DLG2: variants seen among roughly 807,000 people sequenced by gnomAD.
DLG2 encodes discs large MAGUK scaffold protein 2.
A neutral mutation model predicts 132.5 loss-of-function variants in DLG2; 45 were observed. The ratio of observed to expected loss-of-function variants is 0.34; its 90% CI spans 0.27 to 0.44. The LOEUF is 0.44. Ranked by LOEUF, DLG2 falls within the 20% of genes least tolerant of loss-of-function variation. The probability of loss-of-function intolerance (pLI) is 1.00; values close to 1 mark genes in which losing one functional copy is unlikely to be tolerated. For synonymous variants in DLG2, 424 were observed against 419.6 expected (o/e 1.01, Z -0.13); for missense variants, 1,045 against 1,196.9 (o/e 0.87, Z 1.87).
At chr11:84,082,527 G>C (rs761893531) in intron 10 of DLG2, among the ~76,000 whole-genome samples, 28 of 152,194 alleles carry the variant, frequency 1.8e-4, no homozygotes, top group Non-Finnish European at 3.7e-4. Context: ...ACACTGATCA[G>C]TCATTTCCTG....
At chr11:84,676,671 A>G (rs988253529) in intron 6 of DLG2, among the ~76,000 whole-genome samples, 4 of 152,100 alleles carry the variant, frequency 2.6e-5, no homozygotes, top group Non-Finnish European at 4.4e-5. Flanking sequence ...CTGATTCTGT[A>G]CTACCTGTGG....
intron 6 of DLG2, among the ~76,000 whole-genome samples, chr11:84,979,662 G>T (rs2055442671): frequency 6.6e-6 from 1 of 151,978 alleles, no homozygotes; most frequent in Admixed American, 6.6e-5. Context: ...GTTGTGGGGT[G>T]GGGGAGGGCG....
intron 7 of DLG2, among the ~76,000 whole-genome samples, chr11:84,292,183 C>T (rs985548783): frequency 4.6e-5 from 7 of 152,076 alleles, no homozygotes; most frequent in East Asian, 1.9e-4. Flanking sequence ...TTTGCAGAGG[C>T]GGCAGGAATT....
chr11:83,999,936 A>G (rs139438865), intron 11 of DLG2, among the ~76,000 whole-genome samples: 202 of 128,830 alleles, frequency 1.6e-3, no homozygotes, highest in African/African-American at 5.9e-3. Context: ...ACAGATATCA[A>G]TGTAGTGACA....
chr11:85,619,509 A>T (rs972526477), intron 2 of DLG2, among the ~76,000 whole-genome samples: 2 of 145,780 alleles, frequency 1.4e-5, no homozygotes, highest in East Asian at 2.0e-4. Context: ...TGAAGAGATT[A>T]AAAAAAAAAC....
intron 4 of DLG2, among the ~76,000 whole-genome samples, chr11:85,239,935 C>T (rs2152672942): frequency 6.6e-6 from 1 of 151,998 alleles, no homozygotes; most frequent in East Asian, 1.9e-4. Context: ...AAATTGCTGG[C>T]TCATAGGATA....
intron 6 of DLG2, among the ~76,000 whole-genome samples, chr11:84,713,444 GA>G (rs1481423411): frequency 6.6e-6 from 1 of 152,090 alleles, no homozygotes; most frequent in African/African-American, 2.4e-5. Flanking sequence ...TATTGAGAGA[GA>G]AACTGAAGTC....
At chr11:85,121,227 A>T (rs977869908) in intron 5 of DLG2, among the ~76,000 whole-genome samples, 17 of 151,940 alleles carry the variant, frequency 1.1e-4, no homozygotes, top group Admixed American at 8.5e-4. Context: ...TATTCCACTT[A>T]AAAAAATTAT....
At chr11:84,337,105 A>C (rs569789492) in intron 7 of DLG2, among the ~76,000 whole-genome samples, 1 of 152,354 alleles carries the variant, frequency 6.6e-6, no homozygotes, top group African/African-American at 2.4e-5. Context: ...CTATGTGAAC[A>C]TGGGTAAGTT....
At chr11:83,712,133 A>G (rs552399679) in intron 18 of DLG2, among the ~76,000 whole-genome samples, 15 of 152,250 alleles carry the variant, frequency 9.9e-5, no homozygotes, top group African/African-American at 3.6e-4. Flanking sequence ...CAGAAATACC[A>G]TTTGGCCCAG....
intron 7 of DLG2, among the ~76,000 whole-genome samples, chr11:84,290,812 T>C (rs1301046014): frequency 1.3e-5 from 2 of 152,164 alleles, no homozygotes; most frequent in Non-Finnish European, 2.9e-5. Context: ...TGGTAGTACA[T>C]TGTTTAAAAA....
At chr11:84,146,658 G>C (rs2095095346) in intron 9 of DLG2, among the ~76,000 whole-genome samples, 1 of 152,098 alleles carries the variant, frequency 6.6e-6, no homozygotes, top group South Asian at 2.1e-4. Flanking sequence ...TGACCTACCT[G>C]ACAACTTCAG....
rs755942567 is a variant in DLG2, at chr11:85,451,802, A to T, written c.40+146855T>A. On this transcript the variant is annotated intron_variant, in intron 3 of 27. Transcript: ENST00000376104. ...TGGCCCCAAGCAATCCTCTTGCCTC[A>T]GCCTCCCAAAGTGCTATGATTACAG... Among the ~76,000 whole-genome samples, 4 of 152,132 alleles carry T rather than the reference A, an allele frequency of 2.6e-5. No individual in the cohort carries two copies. The South Asian group carries it at 8.3e-4, about 32-fold the overall frequency.
intron 6 of DLG2, among the ~76,000 whole-genome samples, chr11:84,753,502 G>C (rs969393437): frequency 1.3e-5 from 2 of 152,150 alleles, no homozygotes; most frequent in African/African-American, 4.8e-5. Flanking sequence ...AACATAAGCA[G>C]TCAAAGATTA....
chr11:83,474,790 G>A (rs192082711), intron 22 of DLG2, among the ~76,000 whole-genome samples: 132 of 151,384 alleles, frequency 8.7e-4, no homozygotes, highest in Non-Finnish European at 8.1e-4. Flanking sequence ...GGAAAGCATC[G>A]TTTTCTCTAA....
chr11:83,507,921 T>C (rs1404479231), intron 21 of DLG2, among the ~76,000 whole-genome samples: 1 of 151,274 alleles, frequency 6.6e-6, no homozygotes, highest in African/African-American at 2.4e-5. Context: ...TGGAGTCAGA[T>C]GTTTAAGGGC....
At chr11:84,273,955 C>T (rs968900608) in intron 7 of DLG2, among the ~76,000 whole-genome samples, 16 of 151,794 alleles carry the variant, frequency 1.1e-4, no homozygotes, top group African/African-American at 3.9e-4. Flanking sequence ...CTTTATGTTG[C>T]CTATATATTG....
At chr11:84,767,539 C>T (rs2068605427) in intron 6 of DLG2, among the ~76,000 whole-genome samples, 1 of 151,956 alleles carries the variant, frequency 6.6e-6, no homozygotes, top group Non-Finnish European at 1.5e-5. Flanking sequence ...CTTAAAGGTC[C>T]TGAGCAGAGA....
intron 4 of DLG2, among the ~76,000 whole-genome samples, chr11:85,172,739 A>G (rs1308175689): frequency 6.6e-6 from 1 of 152,158 alleles, no homozygotes; most frequent in Non-Finnish European, 1.5e-5. Flanking sequence ...GAAACAATAC[A>G]AGACCTGATA....
Sources: gnomAD v4.1 joint callset for allele counts (sites outside exome capture counted in the v4.1 genomes callset) on GRCh38, gnomAD v4.1.1 for gene constraint, MANE v1.5 for transcripts, NCBI Gene and HGNC (gene_info 2026-07-23, HGNC 2026-07-21) for gene names.